The following BPIFC variants were observed in gnomAD, a reference collection of about 807,000 sequenced individuals.
BPIFC encodes the protein BPI fold-containing family C protein.
In BPIFC, 60 loss-of-function variants were observed where a neutral mutation model predicts 57.6. The observed-to-expected ratio is 1.04, with a 90% CI of 0.85 to 1.29. The LOEUF is 1.29. Ranked by LOEUF, BPIFC falls within the 50% of genes most tolerant of loss-of-function variation. The pLI, the probability that BPIFC is intolerant of heterozygous loss-of-function variation, is 0.00. For missense variants in BPIFC, 581 were observed against 600.5 expected, an observed-to-expected ratio of 0.97 and a Z score of 0.34; for synonymous variants, 243 against 224.5, an observed-to-expected ratio of 1.08 and a Z score of -0.74.
chr22:32,461,686 G>A, intron 1 of BPIFC, 25 bp from the exon 2 acceptor site: 1 of 975,398 alleles, frequency 1.0e-6, no homozygotes, highest in Non-Finnish European at 1.2e-6. Flanking sequence ...AAGTAGAGAT[G>A]AACTATGGGA....
At chr22:32,448,855 T>G (rs1934807821) in intron 4 of BPIFC, among the ~76,000 whole-genome samples, 1 of 117,302 alleles carries the variant, frequency 8.5e-6, no homozygotes, top group African/African-American at 3.0e-5. Context: ...GGAGAATCCC[T>G]TGAACCCAGG....
intron 2 of BPIFC, among the ~76,000 whole-genome samples, chr22:32,459,079 C>T (rs1935104091): frequency 1.3e-5 from 2 of 152,206 alleles, no homozygotes; most frequent in Admixed American, 1.3e-4. Context: ...ATTCACAGGC[C>T]TTCTTTCTAG....
intron 8 of BPIFC, among the ~76,000 whole-genome samples, chr22:32,439,144 G>A (rs1258492686): frequency 6.6e-6 from 1 of 151,776 alleles, no homozygotes; most frequent in Non-Finnish European, 1.5e-5. Context: ...TGACCAACAC[G>A]GAGAAACCCC....
At chr22:32,431,974 C>G (rs1311544537) in intron 12 of BPIFC, among the ~76,000 whole-genome samples, 2 of 151,178 alleles carry the variant, frequency 1.3e-5, no homozygotes, top group Non-Finnish European at 2.9e-5. Context: ...TACCCTGTTG[C>G]CCAGACTGGA....
At chr22:32,440,661 CT>C (rs1454913619) in intron 8 of BPIFC, among the ~76,000 whole-genome samples, 5 of 152,184 alleles carry the variant, frequency 3.3e-5, no homozygotes, top group African/African-American at 1.2e-4. Flanking sequence ...TGCTAAATCC[CT>C]TCTTCCAATT....
In BPIFC at chr22:32,435,742, T is replaced by C; in HGVS notation, c.886A>G (p.Thr296Ala). Residue 296 changes from threonine (T) to alanine (A), a missense_variant, in exon 10 of 17, where the codon ACA (threonine) becomes GCA (alanine). By Grantham distance (58) the Thr-to-Ala change is moderately conservative (BLOSUM62 0). Transcript: ENST00000300399. The part of the protein sequence containing the change: ...FFKSASFAHF[T>A]AGVFNVTLST... ...AGAGTGACATTGAAAACCCCAGCTGTGAAATGAGCAAAGGACGCAGATTTA... is the reference window on the plus strand; with the variant it reads ...AGAGTGACATTGAAAACCCCAGCTGCGAAATGAGCAAAGGACGCAGATTTA... The C allele has an allele frequency of 6.2e-7, 1 of 1,614,010 alleles. No individual in the cohort carries two copies.
rs1363297542 is a variant in BPIFC, at chr22:32,424,630, CTTCTT to C, written c.1218-5231_1218-5227del. 3.5e-3 allele frequency among the ~76,000 whole-genome samples: 209 copies of C among 59,554 alleles called. 34 individuals carry two copies. Among genetic ancestry groups the C allele is most frequent in the African/African-American group, 0.012 (114 of 9,272 alleles). The allele number at this position is 59,554 out of a possible 152,430, so 39.1% of individuals were successfully genotyped here. A position where few individuals can be genotyped will look rare whatever the true frequency, so the allele number is the denominator to read the frequency against. On this transcript the variant is annotated intron_variant, in intron 13 of 16. Coordinates refer to ENST00000300399, the MANE Select transcript of BPIFC (RefSeq NM_174932.3). Reference sequence around the variant, plus strand: ...TCCTCCTCCTCCTCCTCCTCCTCCTCTTCTTCTTCTTCTCTTCTTCTTCTTCTTCT... The same window carrying C: ...TCCTCCTCCTCCTCCTCCTCCTCCTCCTTCTTCTCTTCTTCTTCTTCTTCT...
At chr22:32,432,339 T>C (rs1934269784) in intron 12 of BPIFC, 34 bp downstream of exon 12, 9 of 1,610,006 alleles carry the variant, frequency 5.6e-6, no homozygotes, top group Non-Finnish European at 7.6e-6. Flanking sequence ...AGGATTGGCA[T>C]CTACAGGCTG....
At chr22:32,463,630 G>A (rs1935206099) in intron 1 of BPIFC, among the ~76,000 whole-genome samples, 1 of 152,126 alleles carries the variant, frequency 6.6e-6, no homozygotes, top group Non-Finnish European at 1.5e-5. Flanking sequence ...CAAAACAGAG[G>A]CGCAGGTTGA....
intron 15 of BPIFC, 38 bp downstream of exon 15, chr22:32,417,047 C>G: frequency 6.7e-7 from 1 of 1,494,796 alleles, no homozygotes; most frequent in Non-Finnish European, 9.3e-7. Flanking sequence ...AAATGTTAGC[C>G]GATGTTACAG....
At chr22:32,445,311 G>A (rs1449025447) in intron 7 of BPIFC, among the ~76,000 whole-genome samples, 1 of 152,154 alleles carries the variant, frequency 6.6e-6, no homozygotes, top group East Asian at 1.9e-4. Flanking sequence ...GCCAAGGTGC[G>A]CGGATCACGA....
intron 8 of BPIFC, among the ~76,000 whole-genome samples, chr22:32,441,896 C>T (rs1934575412): frequency 6.6e-6 from 1 of 152,166 alleles, no homozygotes; most frequent in African/African-American, 2.4e-5. Flanking sequence ...GCATTAGATT[C>T]CCATAAGGCA....
intron 8 of BPIFC, among the ~76,000 whole-genome samples, chr22:32,439,899 G>A (rs1934518436): frequency 6.6e-6 from 1 of 152,156 alleles, no homozygotes; most frequent in Non-Finnish European, 1.5e-5. Context: ...ACAGGTGTGG[G>A]CCACTGTGCC....
intron 12 of BPIFC, among the ~76,000 whole-genome samples, chr22:32,431,951 T>C (rs947116690): frequency 6.6e-6 from 1 of 152,090 alleles, no homozygotes; most frequent in African/African-American, 2.4e-5. Context: ...CTGACCTCAC[T>C]GAGACAGGGT....
chr22:32,429,516 T>G (rs1262106294), intron 13 of BPIFC, among the ~76,000 whole-genome samples: 1 of 121,142 alleles, frequency 8.3e-6, no homozygotes, highest in Non-Finnish European at 1.8e-5. Flanking sequence ...TTTGTTTTTT[T>G]TTTTTTTTTT....
rs1373223580 is a variant in BPIFC at position 32,462,176 on chromosome 22, AAAAAAAAAAAAAAAG to A, written c.-88-530_-88-516del. Among the ~76,000 whole-genome samples, 1,240 of 149,174 alleles carry A rather than the reference AAAAAAAAAAAAAAAG, an allele frequency of 8.3e-3. 22 individuals are homozygous for A. Among genetic ancestry groups the A allele is most frequent in the African/African-American group, 0.029 (1,177 of 40,282 alleles). On this transcript the variant is annotated intron_variant, in intron 1 of 16. Coordinates refer to ENST00000300399, the MANE Select transcript of BPIFC (RefSeq NM_174932.3). ...AGAGCGAGACTCCATCTCAAAAAAAAAAAAAAAAAAAAAAGAAAAAAGAAAAAAAAGAAAAAAAAA... is the reference window on the plus strand; with the variant it reads ...AGAGCGAGACTCCATCTCAAAAAAAAAAAAAAGAAAAAAAAGAAAAAAAAA...
rs1263204598 is a variant in BPIFC, at chr22:32,426,770, TA to T, written c.1217+4576del. On this transcript the variant is annotated intron_variant, in intron 13 of 16. Coordinates refer to ENST00000300399, the MANE Select transcript of BPIFC (RefSeq NM_174932.3). The stretch of plus-strand genomic sequence containing the variant: ...AGCCATGTGTGGTGGCACACGCCTG[TA>T]ATCCCAGCTACCCAGGAGGCTGAGG... Among the ~76,000 whole-genome samples, 16 of 151,814 alleles carry T rather than the reference TA, an allele frequency of 1.1e-4. No homozygotes were observed. In the Middle Eastern group the frequency reaches 0.01, roughly 97 times the overall value.
intron 1 of BPIFC, among the ~76,000 whole-genome samples, chr22:32,462,920 A>G (rs566057850): frequency 3.9e-5 from 6 of 152,192 alleles, no homozygotes; most frequent in Non-Finnish European, 8.8e-5. Context: ...CAAGGTGGAA[A>G]AATTCAATAA....
chr22:32,459,850 CAAAAT>C (rs10627673), intron 2 of BPIFC, among the ~76,000 whole-genome samples: 1 of 147,804 alleles, frequency 6.8e-6, no homozygotes, highest in Non-Finnish European at 1.5e-5. Flanking sequence ...GATCCTGTCT[CAAAAT>C]AAAATAAAAT....
Sources: gnomAD v4.1 joint callset for allele counts (sites outside exome capture counted in the v4.1 genomes callset) on GRCh38, gnomAD v4.1.1 for gene constraint, MANE v1.5 for transcripts, NCBI Gene and HGNC (gene_info 2026-07-23, HGNC 2026-07-21) for gene names.